The following DMD variants were observed in gnomAD, a reference collection of about 807,000 sequenced individuals.
DMD encodes mutant dystrophin.
Under a neutral mutation model 330.1 loss-of-function variants are expected in DMD, and 63 were observed. The ratio of observed to expected loss-of-function variants is 0.19; its 90% CI spans 0.16 to 0.24. DMD has a LOEUF of 0.24. DMD is among the 10% of genes least tolerant of loss of function. The pLI is 1.00. For synonymous variants in DMD, 1,223 were observed against 959.8 expected, an observed-to-expected ratio of 1.27 and a Z score of -5.07; for missense variants, 3,344 against 2,684.1, an observed-to-expected ratio of 1.25 and a Z score of -5.43.
At chrX:32,165,038 A>G (rs1443307824) in intron 44 of DMD, among the ~76,000 whole-genome samples, 1 of 112,578 alleles carries the variant, frequency 8.9e-6, no homozygotes, top group East Asian at 2.8e-4. Context: ...ATGTCCAGGC[A>G]GAAGTCTGCT....
chrX:31,161,586 A>G (rs1000343640), intron 74 of DMD, among the ~76,000 whole-genome samples: 2 of 111,032 alleles, frequency 1.8e-5, no homozygotes, highest in Admixed American at 1.9e-4. Context: ...AACTTTCCGT[A>G]ACACCAGATG....
At chrX:32,302,975 C>T (rs1293577194) in intron 42 of DMD, among the ~76,000 whole-genome samples, 4 of 111,230 alleles carry the variant, frequency 3.6e-5, no homozygotes, top group Admixed American at 9.6e-5. Flanking sequence ...TTGCTAAACT[C>T]TCTACTCTAC....
intron 1 of DMD, among the ~76,000 whole-genome samples, chrX:33,281,093 CTTCT>C (rs2053323509): frequency 9.0e-6 from 1 of 111,559 alleles, no homozygotes; most frequent in Non-Finnish European, 1.9e-5. Context: ...ATATTTAGGT[CTTCT>C]TTATTTATTT....
intron 43 of DMD, among the ~76,000 whole-genome samples, chrX:32,278,519 C>A (rs1253517988): frequency 1.8e-5 from 2 of 111,251 alleles, no homozygotes; most frequent in African/African-American, 3.3e-5. Context: ...ACAATGAACT[C>A]AAACAAACGT....
intron 9 of DMD, among the ~76,000 whole-genome samples, chrX:32,647,656 G>T (rs901480899): frequency 2.7e-5 from 3 of 111,733 alleles, no homozygotes; most frequent in Admixed American, 1.9e-4. Context: ...CTGTAAAATG[G>T]GAACAATAAT....
At chrX:32,756,711 G>A in intron 7 of DMD, among the ~76,000 whole-genome samples, 1 of 111,859 alleles carries the variant, frequency 8.9e-6, no homozygotes, top group Non-Finnish European at 1.9e-5. Context: ...ACTGGTGAAA[G>A]CCTTGGCAGG....
At chrX:32,522,225 T>C (rs762944414) in intron 17 of DMD, among the ~76,000 whole-genome samples, 1 of 111,978 alleles carries the variant, frequency 8.9e-6, no homozygotes, top group South Asian at 3.8e-4. Context: ...TCTTCCTGTC[T>C]CCATAGCCAG....
intron 29 of DMD, among the ~76,000 whole-genome samples, chrX:32,414,289 A>G (rs1569561811): frequency 9.0e-6 from 1 of 111,638 alleles, no homozygotes; most frequent in Non-Finnish European, 1.9e-5. Context: ...TTCTAAGTTC[A>G]GGGAGGTAAT....
intron 1 of DMD, among the ~76,000 whole-genome samples, chrX:33,292,519 T>A (rs898312479): frequency 9.0e-6 from 1 of 110,570 alleles, no homozygotes; most frequent in Non-Finnish European, 1.9e-5. Flanking sequence ...TAATACAAAT[T>A]ACGATGGGGT....
chrX:31,951,159 GTATATATATATATATGTA>G (rs2095170394), intron 45 of DMD, among the ~76,000 whole-genome samples: 1 of 71,699 alleles, frequency 1.4e-5, no homozygotes, highest in Non-Finnish European at 2.6e-5. Context: ...ATATATATAT[GTATATATATATATATGTA>G]TATATATATA....
intron 2 of DMD, among the ~76,000 whole-genome samples, chrX:32,913,774 G>C (rs919156674): frequency 1.8e-5 from 2 of 111,919 alleles, no homozygotes; most frequent in Non-Finnish European, 3.8e-5. Flanking sequence ...ACACACAGGA[G>C]GGGACCTGAT....
Position 31,172,371 on chromosome X carries a change from A to G in DMD, c.10371T>C (p.Asp3457=). The G allele has an allele frequency of 8.4e-7, 1 of 1,196,577 alleles. No individual in the cohort carries two copies. The highest frequency in any genetic ancestry group is 1.1e-6 in the Non-Finnish European group (1 of 882,080). Residue 3457 remains aspartate, a synonymous_variant, in exon 73 of 79, where the codon GAT becomes GAC. Transcript: ENST00000357033. ...ACATGCTCTCATTAGGAGAGATGCT[A>G]TCATTTAGATAAGATCCATTGCTGT... The part of the protein sequence containing the change: ...MENSNGSYLN[D]SISPNESIDD...
chrX:31,935,319 G>T (rs1279842474), intron 45 of DMD, among the ~76,000 whole-genome samples: 1 of 111,704 alleles, frequency 9.0e-6, no homozygotes. Context: ...GTACAGAGGA[G>T]ATTGGAAATT....
intron 42 of DMD, among the ~76,000 whole-genome samples, chrX:32,308,239 G>A (rs1037534961): frequency 1.8e-5 from 2 of 110,646 alleles, no homozygotes; most frequent in African/African-American, 6.6e-5. Flanking sequence ...CATATTATTT[G>A]TGTTGTACTG....
At chrX:32,809,405 T>G (rs879228387) in intron 7 of DMD, 88 bp downstream of exon 7, 1 of 787,748 alleles carries the variant, frequency 1.3e-6, no homozygotes, top group Non-Finnish European at 2.0e-6. Flanking sequence ...ATATGTAGTT[T>G]TGTATTTTGT....
At chrX:32,650,898 G>A (rs1037562576) in intron 9 of DMD, among the ~76,000 whole-genome samples, 7 of 111,334 alleles carry the variant, frequency 6.3e-5, no homozygotes, top group Non-Finnish European at 1.1e-4. Flanking sequence ...CACTTAACAC[G>A]CATTATATCA....
At chrX:32,925,388 C>T (rs1016258724) in intron 2 of DMD, among the ~76,000 whole-genome samples, 56 of 110,028 alleles carry the variant, frequency 5.1e-4, no homozygotes, top group African/African-American at 1.8e-3. Context: ...CTCCAAGGAA[C>T]TTTAAAGAAT....
chrX:32,783,315 G>T, intron 7 of DMD, among the ~76,000 whole-genome samples: 1 of 93,395 alleles, frequency 1.1e-5, no homozygotes, highest in South Asian at 4.7e-4. Flanking sequence ...CACATATATG[G>T]TATATATATA....
At chrX:32,593,362 T>G (rs1217447813) in intron 13 of DMD, among the ~76,000 whole-genome samples, 1 of 112,747 alleles carries the variant, frequency 8.9e-6, no homozygotes, top group Non-Finnish European at 1.9e-5. Flanking sequence ...TTTGCCTTTA[T>G]AAATAAGTTG....
Sources: allele counts gnomAD v4.1 joint callset (sites outside exome capture counted in the v4.1 genomes callset), GRCh38; gene constraint gnomAD v4.1.1; transcripts MANE v1.5; gene names NCBI Gene and HGNC (gene_info 2026-07-23, HGNC 2026-07-21).